NAALAD2: variants seen among roughly 807,000 people sequenced by gnomAD.
NAALAD2 encodes N-acetylated-alpha-linked acidic dipeptidase 2.
Under a neutral mutation model 95.6 loss-of-function variants are expected in NAALAD2, and 89 were observed. The ratio of observed to expected loss-of-function variants is 0.93; its 90% CI spans 0.78 to 1.11. The LOEUF (loss-of-function observed/expected upper bound fraction) is 1.11. Among genes scored for constraint, NAALAD2 ranks in the 50% least tolerant of loss-of-function variants. The probability of loss-of-function intolerance (pLI) is 0.00; values close to 1 mark genes in which losing one functional copy is unlikely to be tolerated. For missense variants in NAALAD2, 894 were observed against 872.4 expected (o/e 1.02, Z -0.31); for synonymous variants, 264 against 294.4 (o/e 0.90, Z 1.06).
At chr11:90,152,558 C>G (rs1160381580) in intron 6 of NAALAD2, 74 bp downstream of exon 6, 7 of 1,179,684 alleles carry the variant, frequency 5.9e-6, no homozygotes, top group Admixed American at 2.2e-5. Flanking sequence ...TACAAGCAAG[C>G]ATGTTCAGAA....
chr11:90,172,681 G>A (rs1056418556), intron 13 of NAALAD2, among the ~76,000 whole-genome samples: 2 of 152,086 alleles, frequency 1.3e-5, no homozygotes, highest in Non-Finnish European at 2.9e-5. Flanking sequence ...TTTGGTGTGT[G>A]TATCCCCAAT....
rs534546007 is a variant in NAALAD2 at position 90,173,177 on chromosome 11, G to GTA, written c.1411-638_1411-637dup. ...TATTTTTAATGAAAGGAGTAAAAAT[G>GTA]TATATATATACACACACACACACAC... On this transcript the variant is annotated intron_variant, in intron 13 of 18. Coordinates refer to ENST00000534061, the MANE Select transcript of NAALAD2 (RefSeq NM_005467.4). Among the ~76,000 whole-genome samples the GTA allele has an allele frequency of 1.1e-4, 17 of 151,870 alleles. 1 individual carries two copies. The highest frequency in any genetic ancestry group is 1.6e-4 in the Non-Finnish European group (11 of 67,920).
chr11:90,151,321 A>G (rs1951882498), intron 5 of NAALAD2, among the ~76,000 whole-genome samples: 2 of 152,176 alleles, frequency 1.3e-5, no homozygotes, highest in Admixed American at 6.6e-5. Context: ...AGTAATTTCT[A>G]TATAACTGCT....
intron 16 of NAALAD2, 150 bp from the exon 17 acceptor site, chr11:90,181,470 T>A: frequency 1.6e-6 from 1 of 607,598 alleles, no homozygotes; most frequent in South Asian, 2.0e-5. Context: ...TGTTATATTT[T>A]CTACTAATTT....
rs974395638 is a variant in NAALAD2 at position 90,154,929 on chromosome 11, G to A, written c.796+2445G>A. ...GTATACATATGTATATATTATATAC[G>A]TATACATATGTATATATTATATACG... On this transcript the variant is annotated intron_variant, in intron 6 of 18. Coordinates refer to ENST00000534061, the MANE Select transcript of NAALAD2 (RefSeq NM_005467.4). Among the ~76,000 whole-genome samples, 16 of 61,042 alleles carry A rather than the reference G, an allele frequency of 2.6e-4. 1 individual carries two copies. The highest frequency in any genetic ancestry group is 1.4e-3 in the African/African-American group (16 of 11,730). The allele number at this position is 61,042 out of a possible 152,430, so 40.0% of individuals were successfully genotyped here.
intron 6 of NAALAD2, among the ~76,000 whole-genome samples, chr11:90,155,749 T>G (rs1291174024): frequency 8.0e-6 from 1 of 124,268 alleles, no homozygotes; most frequent in Non-Finnish European, 1.6e-5. Flanking sequence ...GTATGTATTA[T>G]TACATATGTA....
intron 8 of NAALAD2, among the ~76,000 whole-genome samples, chr11:90,159,625 C>G (rs1377565376): frequency 6.6e-6 from 1 of 151,956 alleles, no homozygotes; most frequent in African/African-American, 2.4e-5. Flanking sequence ...AATAGTTTTT[C>G]AAATAACTTA....
intron 9 of NAALAD2, 44 bp from the exon 10 acceptor site, chr11:90,163,266 A>G (rs762250497): frequency 4.5e-6 from 7 of 1,561,512 alleles, no homozygotes; most frequent in Non-Finnish European, 5.2e-6. Flanking sequence ...AAATATTTAT[A>G]ATGTATTCAA....
intron 6 of NAALAD2, among the ~76,000 whole-genome samples, chr11:90,155,668 TTGTA>T (rs1271666645): frequency 4.3e-5 from 3 of 70,294 alleles, no homozygotes; most frequent in South Asian, 4.4e-4. Context: ...TGTATTATTA[TTGTA>T]TGTATGTAAT....
In NAALAD2 at chr11:90,154,842, A is replaced by C. The variant is rs115855710; in HGVS notation, c.796+2358A>C. On this transcript the variant is annotated intron_variant, in intron 6 of 18. Transcript: ENST00000534061. Reference sequence around the variant, plus strand: ...TGTAATATGTAATGTTACATAGTATATACGTATACATAATATGTATATATT... The same window carrying C: ...TGTAATATGTAATGTTACATAGTATCTACGTATACATAATATGTATATATT... 1.6e-3 allele frequency among the ~76,000 whole-genome samples: 227 copies of C among 140,364 alleles called. 1 individual carries two copies. Among genetic ancestry groups the C allele is most frequent in the African/African-American group, 6.1e-3 (210 of 34,370 alleles). 92.1% of individuals were successfully genotyped at this position (140,364 alleles called of 152,430 possible).
chr11:90,153,100 C>G (rs1044706079), intron 6 of NAALAD2, among the ~76,000 whole-genome samples: 2 of 152,134 alleles, frequency 1.3e-5, no homozygotes, highest in South Asian at 4.1e-4. Context: ...TGAGATCTGT[C>G]CATGTTGGCA....
intron 14 of NAALAD2, among the ~76,000 whole-genome samples, chr11:90,175,362 C>T (rs1017024945): frequency 6.6e-6 from 1 of 152,218 alleles, no homozygotes; most frequent in South Asian, 2.1e-4. Flanking sequence ...AATGAACATG[C>T]AATTTTATAT....
At position 90,152,395 on chromosome 11, in the gene NAALAD2, G is replaced by A. The variant is rs1158280829; in HGVS notation, c.707G>A (p.Trp236Ter). 6.2e-7 allele frequency: 1 copy of A among 1,613,868 alleles called. No homozygotes were observed. The highest frequency in any genetic ancestry group is 1.7e-5 in the Admixed American group (1 of 60,004). The stretch of plus-strand genomic sequence containing the variant: ...GAGGTACAGCCATATCCCAAAGGAT[G>A]GAATCTTCCTGGAACTGCAGCCCAG... ...APEVQPYPKG[W>*]NLPGTAAQRG... The change falls in exon 6 of 19, where the codon TGG becomes TAG. Residue 236 changes from tryptophan to a stop codon, truncating the protein, a stop_gained. Coordinates refer to ENST00000534061, the MANE Select transcript of NAALAD2 (RefSeq NM_005467.4). LOFTEE classifies it high-confidence loss of function.
chr11:90,136,689 T>A (rs1375464769), intron 2 of NAALAD2, among the ~76,000 whole-genome samples: 1 of 152,196 alleles, frequency 6.6e-6, no homozygotes, highest in Non-Finnish European at 1.5e-5. Context: ...GATGGAAATT[T>A]GGGTTGATTA....
chr11:90,171,472 CTT>C (rs1259049669), intron 13 of NAALAD2, among the ~76,000 whole-genome samples: 1 of 152,110 alleles, frequency 6.6e-6, no homozygotes, highest in Non-Finnish European at 1.5e-5. Flanking sequence ...AAAAGAAAAT[CTT>C]TACTGAGAGA....
intron 10 of NAALAD2, 27 bp downstream of exon 10, chr11:90,163,456 T>C (rs747479284): frequency 1.9e-6 from 3 of 1,612,866 alleles, no homozygotes; most frequent in African/African-American, 2.7e-5. Flanking sequence ...TCCTAGGTGA[T>C]GACAAAAAGT....
chr11:90,168,250 C>T (rs1326421034), intron 11 of NAALAD2, among the ~76,000 whole-genome samples: 5 of 152,208 alleles, frequency 3.3e-5, no homozygotes, highest in Non-Finnish European at 7.4e-5. Context: ...TGAACACATC[C>T]GAACATCAGT....
intron 4 of NAALAD2, among the ~76,000 whole-genome samples, chr11:90,149,313 A>G (rs1407477584): frequency 1.3e-5 from 2 of 152,244 alleles, no homozygotes; most frequent in Admixed American, 6.5e-5. Context: ...AAAAAGAAAC[A>G]AAACAAATAC....
At chr11:90,147,706 A>T (rs2186749) in intron 3 of NAALAD2, among the ~76,000 whole-genome samples, 190 bp downstream of exon 3, 6,661 of 152,272 alleles carry the variant, frequency 0.044, 183 homozygotes, top group Middle Eastern at 0.11. Flanking sequence ...AAGTAAGTTG[A>T]GGCAGACAAT....
Sources: gnomAD v4.1 joint callset for allele counts (sites outside exome capture counted in the v4.1 genomes callset) on GRCh38, gnomAD v4.1.1 for gene constraint, MANE v1.5 for transcripts, NCBI Gene and HGNC (gene_info 2026-07-23, HGNC 2026-07-21) for gene names.